Variants in GFRA2 observed in about 807,000 individuals in gnomAD.
The protein encoded by GFRA2 is GDNF family receptor alpha 2.
GFRA2 carries 17 observed loss-of-function variants against 48.3 expected under a neutral mutation model. The ratio of observed to expected loss-of-function variants is 0.35; its 90% confidence interval spans 0.24 to 0.53. The LOEUF (loss-of-function observed/expected upper bound fraction) is 0.53, where lower values mean the gene tolerates loss of function less well. GFRA2 is among the 20% of genes least tolerant of loss of function. GFRA2 has a pLI of 0.93. For synonymous variants in GFRA2, 305 were observed against 257.2 expected (o/e 1.19, Z -1.78); for missense variants, 660 against 637.3 (o/e 1.04, Z -0.38).
intron 4 of GFRA2, among the ~76,000 whole-genome samples, chr8:21,744,524 C>A (rs1378265872): frequency 1.4e-5 from 2 of 147,702 alleles, no homozygotes; most frequent in African/African-American, 5.1e-5. Flanking sequence ...ACAGAATCAT[C>A]CTCCCACGAC....
At chr8:21,747,440 G>T (rs1372084869) in intron 4 of GFRA2, among the ~76,000 whole-genome samples, 1 of 152,126 alleles carries the variant, frequency 6.6e-6, no homozygotes, top group Non-Finnish European at 1.5e-5. Context: ...GCCTCAATCG[G>T]TTTGTGTAGG....
chr8:21,797,661 G>A (rs1007090313), intron 2 of GFRA2: 1 of 152,004 alleles, frequency 6.6e-6, no homozygotes, highest in Admixed American at 6.6e-5. Context: ...CATGGGCTAT[G>A]GGATCTCCAT....
chr8:21,706,049 T>G lies in GFRA2; in HGVS notation c.795-8A>C, dbSNP rs1802728396. The G allele has an allele frequency of 4.5e-6, 7 of 1,546,704 alleles. No individual in the cohort carries two copies. The highest frequency in any genetic ancestry group is 6.1e-6 in the Non-Finnish European group (7 of 1,139,982). ...AAGTCGGCCAGCCGGGACCTGGTGG[T>G]GGGTAGAAGACGCAATAGAGAAAAC... On this transcript the variant is annotated splice_polypyrimidine_tract_variant and splice_region_variant and intron_variant, in intron 4 of 8. Transcript: ENST00000524240.
At chr8:21,734,397 G>A (rs537712085) in intron 4 of GFRA2, among the ~76,000 whole-genome samples, 1 of 152,362 alleles carries the variant, frequency 6.6e-6, no homozygotes, top group South Asian at 2.1e-4. Context: ...CCTTTCTCCT[G>A]CTGGAAGCAG....
chr8:21,741,932 A>AGAAAG (rs1554491492), intron 4 of GFRA2, among the ~76,000 whole-genome samples: 2 of 148,752 alleles, frequency 1.3e-5, no homozygotes, highest in African/African-American at 5.2e-5. Context: ...AAAAAAAAAA[A>AGAAAG]AAAGAAAGAA....
intron 4 of GFRA2, among the ~76,000 whole-genome samples, chr8:21,717,328 G>C (rs901800235): frequency 6.6e-6 from 1 of 152,204 alleles, no homozygotes. Context: ...AAAATGGCAA[G>C]GATGTAGATC....
At chr8:21,730,625 C>CTCTCACACA in intron 4 of GFRA2, among the ~76,000 whole-genome samples, 1 of 152,256 alleles carries the variant, frequency 6.6e-6, no homozygotes, top group South Asian at 2.1e-4. Context: ...CCCTCTGTAT[C>CTCTCACACA]TCTCACACAT....
chr8:21,736,045 C>T (rs1221745874), intron 4 of GFRA2, among the ~76,000 whole-genome samples: 1 of 152,240 alleles, frequency 6.6e-6, no homozygotes, highest in Non-Finnish European at 1.5e-5. Flanking sequence ...CCTCTCCTCC[C>T]TTCACCTTGG....
chr8:21,786,842 C>T (rs1475189213), intron 1 of GFRA2, among the ~76,000 whole-genome samples: 1 of 152,200 alleles, frequency 6.6e-6, no homozygotes, highest in African/African-American at 2.4e-5. Context: ...CCTACCTCCC[C>T]ACTCGTGGCC....
chr8:21,738,980 C>T (rs560726067), intron 4 of GFRA2, among the ~76,000 whole-genome samples: 8 of 152,278 alleles, frequency 5.3e-5, no homozygotes, highest in African/African-American at 1.7e-4. Flanking sequence ...GAAGAACATG[C>T]CCAGCTCCTG....
In GFRA2 at chr8:21,694,459, C is replaced by G. The variant is rs568077704; in HGVS notation, c.1272+5G>C. ...GCACCCATCCCCACTCTGCCCCCAA[C>G]TCACCTCTGTGAAGCACATGCTTAA... is the stretch of plus-strand genomic sequence containing the variant. On this transcript the variant is annotated splice_donor_5th_base_variant and intron_variant, in intron 8 of 8. Transcript: ENST00000524240. 7.4e-6 allele frequency: 12 copies of G among 1,611,772 alleles called. No individual in the cohort carries two copies. The highest frequency in any genetic ancestry group is 4.4e-5 in the South Asian group (4 of 90,530).
chr8:21,791,611 T>A (rs1807575863), upstream of GFRA2, among the ~76,000 whole-genome samples: 1 of 152,212 alleles, frequency 6.6e-6, no homozygotes, highest in Non-Finnish European at 1.5e-5. Context: ...ACCTTATAGA[T>A]AAGAGGACTT....
intron 3 of GFRA2, among the ~76,000 whole-genome samples, chr8:21,754,876 G>T (rs111649180): frequency 0.023 from 3,488 of 152,256 alleles, 70 homozygotes; most frequent in South Asian, 0.038. Context: ...TAAAAGAGGG[G>T]AGGGTACATC....
At chr8:21,789,410 G>C (rs764293806), upstream of GFRA2, among the ~76,000 whole-genome samples, 2 of 152,076 alleles carry the variant, frequency 1.3e-5, no homozygotes, top group African/African-American at 2.4e-5. Flanking sequence ...AGCTGAGGCT[G>C]GAGGGCGCGG....
At position 21,774,973 on chromosome 8, in the gene GFRA2, T is replaced by C. The variant is rs974446256; in HGVS notation, c.438A>G (p.Ser146=). ...AAGTCCCAGTGCGAGCTCACTTACCTGAGAAGATTGAAGCAAGCCTGAAGA... is the reference window on the plus strand; with the variant it reads ...AAGTCCCAGTGCGAGCTCACTTACCCGAGAAGATTGAAGCAAGCCTGAAGA... ...SDIFRLASIF[S]GTGADPVVSA... is the part of the protein sequence containing the mutation. Residue 146 remains serine, a splice_region_variant and synonymous_variant, in exon 3 of 9, where the codon TCA becomes TCG. Transcript: ENST00000524240. 1 of 1,571,828 alleles carries C rather than the reference T, an allele frequency of 6.4e-7. No homozygotes were observed. Among genetic ancestry groups the C allele is most frequent in the South Asian group, 1.1e-5 (1 of 90,136 alleles).
rs900320145 is a variant in GFRA2 at position 21,752,685 on chromosome 8, A to C, written c.440-1743T>G. ...ACTCAACACCTCTAGCTGCAAGCCT[A>C]ATACCCAAATCTCACACTTGACACA... On this transcript the variant is annotated intron_variant, in intron 3 of 8. Coordinates refer to ENST00000524240, the MANE Select transcript of GFRA2 (RefSeq NM_001495.5). Among the ~76,000 whole-genome samples the C allele has an allele frequency of 3.9e-5, 6 of 151,918 alleles. No homozygotes were observed. In the South Asian group the frequency reaches 6.2e-4, roughly 16 times the overall value.
intron 4 of GFRA2, among the ~76,000 whole-genome samples, chr8:21,740,993 C>T (rs564756736): frequency 6.6e-6 from 1 of 152,362 alleles, no homozygotes; most frequent in South Asian, 2.1e-4. Flanking sequence ...TGGCCATCAT[C>T]TCTGATCCAG....
intron 5 of GFRA2, 47 bp from the exon 6 acceptor site, chr8:21,705,172 C>G: frequency 6.4e-7 from 1 of 1,566,660 alleles, no homozygotes; most frequent in Non-Finnish European, 8.6e-7. Context: ...ACGGTGGGGC[C>G]TTCCCCTTGG....
chr8:21,793,016 G>A (rs1023849741), upstream of GFRA2, among the ~76,000 whole-genome samples: 5 of 152,074 alleles, frequency 3.3e-5, no homozygotes, highest in Admixed American at 6.6e-5. Context: ...GCGGTGAGTC[G>A]AGATGGCACC....
Sources: gnomAD v4.1 joint callset for allele counts (sites outside exome capture counted in the v4.1 genomes callset) on GRCh38, gnomAD v4.1.1 for gene constraint, MANE v1.5 for transcripts, NCBI Gene and HGNC (gene_info 2026-07-23, HGNC 2026-07-21) for gene names.